Variants in B4GALNT3 observed in about 807,000 individuals in gnomAD.
The protein encoded by B4GALNT3 is beta-1,4-N-acetylgalactosaminyltransferase 3.
In B4GALNT3, 86 loss-of-function variants were observed where a neutral mutation model predicts 120.2. The ratio of observed to expected loss-of-function variants is 0.72; its 90% CI spans 0.60 to 0.86. The LOEUF (loss-of-function observed/expected upper bound fraction) is 0.86, where lower values mean the gene tolerates loss of function less well. B4GALNT3 is among the 40% of genes least tolerant of loss of function. The pLI, the probability that B4GALNT3 is intolerant of heterozygous loss-of-function variation, is 0.00. For synonymous variants in B4GALNT3, 518 were observed against 510.4 expected (o/e 1.01, Z -0.20); for missense variants, 1,167 against 1,298.9 (o/e 0.90, Z 1.56).
intron 1 of B4GALNT3, among the ~76,000 whole-genome samples, chr12:504,220 G>A (rs1366232020): frequency 6.7e-6 from 1 of 150,040 alleles, no homozygotes; most frequent in Non-Finnish European, 1.5e-5. Context: ...AGTCGAGGCT[G>A]CAGTGAGCTG....
chr12:496,337 T>C (rs923604763), intron 1 of B4GALNT3, among the ~76,000 whole-genome samples: 1 of 152,116 alleles, frequency 6.6e-6, no homozygotes, highest in African/African-American at 2.4e-5. Flanking sequence ...CGGTGGCACA[T>C]GCATGTAGTC....
intron 1 of B4GALNT3, among the ~76,000 whole-genome samples, chr12:496,443 T>C (rs546650136): frequency 1.8e-4 from 28 of 152,052 alleles, no homozygotes; most frequent in Non-Finnish European, 2.9e-5. Flanking sequence ...CTACTAAAAA[T>C]ACAAAAATTG....
At chr12:518,680 A>C (rs545806512) in intron 1 of B4GALNT3, among the ~76,000 whole-genome samples, 1 of 152,352 alleles carries the variant, frequency 6.6e-6, no homozygotes, top group East Asian at 1.9e-4. Context: ...AATTACAGGC[A>C]TGAGGCACTG....
At position 558,049 on chromosome 12, in the gene B4GALNT3, A is replaced by G. The variant is rs781355463; in HGVS notation, c.2568A>G (p.Glu856=). 1.2e-6 allele frequency: 2 copies of G among 1,613,918 alleles called. No homozygotes were observed. Among genetic ancestry groups the G allele is most frequent in the Admixed American group, 3.3e-5 (2 of 60,020 alleles). ...YQYVKLSGNF[E]RSAGLQAGID... Reference sequence around the variant, plus strand: ...ACGTGAAGCTAAGTGGAAACTTTGAACGCTCAGCTGGACTTCAGGCTGGCA... The same window carrying G: ...ACGTGAAGCTAAGTGGAAACTTTGAGCGCTCAGCTGGACTTCAGGCTGGCA... The change falls in exon 17 of 20, where the codon GAA becomes GAG. Residue 856 remains glutamate (E), a synonymous_variant. Coordinates refer to ENST00000266383, the MANE Select transcript of B4GALNT3 (RefSeq NM_173593.4).
At position 513,113 on chromosome 12, in the gene B4GALNT3, TCCTTCCACCTTCCG is replaced by T. The variant is rs1181321305; in HGVS notation, c.170-22039_170-22026del. On this transcript the variant is annotated intron_variant, in intron 1 of 19. Coordinates refer to ENST00000266383, the MANE Select transcript of B4GALNT3 (RefSeq NM_173593.4). ...ACCTTCCGCCTTCCACCTTCTGCCTTCCTTCCACCTTCCGCCTTCCACCTTCCACCTTCGACCTT... is the reference window on the plus strand; with the variant it reads ...ACCTTCCGCCTTCCACCTTCTGCCTTCCTTCCACCTTCCACCTTCGACCTT... Among the ~76,000 whole-genome samples, 7 of 135,436 alleles carry T rather than the reference TCCTTCCACCTTCCG, an allele frequency of 5.2e-5. No homozygotes were observed. In the South Asian group the frequency reaches 7.0e-4, roughly 13 times the overall value. The allele number at this position is 135,436 out of a possible 152,430, so 88.9% of individuals were successfully genotyped here.
At chr12:490,425 AC>A (rs1422983909) in intron 1 of B4GALNT3, among the ~76,000 whole-genome samples, 1 of 152,212 alleles carries the variant, frequency 6.6e-6, no homozygotes, top group Non-Finnish European at 1.5e-5. Context: ...GATCTCATGG[AC>A]ATTAAAAGTA....
At chr12:463,705 T>C (rs553727700) in intron 1 of B4GALNT3, among the ~76,000 whole-genome samples, 149 of 152,308 alleles carry the variant, frequency 9.8e-4, no homozygotes, top group Non-Finnish European at 1.6e-3. Context: ...ATGGTGACAT[T>C]TTGGGACGTT....
At chr12:527,584 T>A (rs541012346) in intron 1 of B4GALNT3, among the ~76,000 whole-genome samples, 1 of 152,342 alleles carries the variant, frequency 6.6e-6, no homozygotes, top group East Asian at 1.9e-4. Flanking sequence ...CATATCCATC[T>A]GCTCATCTAG....
chr12:558,815 A>G (rs1405326846), intron 18 of B4GALNT3, among the ~76,000 whole-genome samples, 154 bp downstream of exon 18: 1 of 151,694 alleles, frequency 6.6e-6, no homozygotes, highest in African/African-American at 2.4e-5. Flanking sequence ...AAAACTCACC[A>G]GACAAGGTCC....
intron 6 of B4GALNT3, among the ~76,000 whole-genome samples, chr12:546,215 G>C (rs868515955): frequency 1.0e-5 from 1 of 100,364 alleles, no homozygotes; most frequent in Non-Finnish European, 2.1e-5. Context: ...AGGAGGGAGG[G>C]GGGTGTGGGA....
chr12:554,129 G>A, intron 14 of B4GALNT3, 146 bp downstream of exon 14: 1 of 634,600 alleles, frequency 1.6e-6, no homozygotes, highest in Non-Finnish European at 2.7e-6. Context: ...TCCTGGGAAG[G>A]ACAAGTGCCC....
chr12:509,387 G>A (rs903631992), intron 1 of B4GALNT3, among the ~76,000 whole-genome samples: 1 of 152,182 alleles, frequency 6.6e-6, no homozygotes, highest in Non-Finnish European at 1.5e-5. Context: ...AGATTTCCAG[G>A]GCAGGAGAAA....
intron 1 of B4GALNT3, among the ~76,000 whole-genome samples, chr12:532,157 T>G (rs1946815057): frequency 6.6e-6 from 1 of 152,172 alleles, no homozygotes; most frequent in Non-Finnish European, 1.5e-5. Context: ...TACTCTATCA[T>G]GAGGACTGCA....
chr12:519,749 T>A (rs1946688350), intron 1 of B4GALNT3, among the ~76,000 whole-genome samples: 1 of 152,150 alleles, frequency 6.6e-6, no homozygotes, highest in Admixed American at 6.6e-5. Context: ...TTCAGCCGAA[T>A]CAGGGACACA....
chr12:536,255 G>A lies in B4GALNT3; in HGVS notation c.311G>A (p.Ser104Asn). 1 of 1,614,156 alleles carries A rather than the reference G, an allele frequency of 6.2e-7. No individual in the cohort carries two copies. The highest frequency in any genetic ancestry group is 1.1e-5 in the South Asian group (1 of 91,084). The change falls in exon 3 of 20, where the codon AGC becomes AAC. Residue 104 changes from serine (S) to asparagine (N), a missense_variant. Physicochemically the swap from Ser to Asn is conservative, Grantham distance 46. Transcript: ENST00000266383. ...GACCAAGGGGTGAGCAGTAACAGCA[G>A]CTACTTGAAGTGGAACAAGCCTGTC... ...DIDQGVSSNS[S>N]YLKWNKPVPW... is the part of the protein sequence containing the mutation.
chr12:539,195 A>G (rs1028292401), intron 3 of B4GALNT3, among the ~76,000 whole-genome samples: 2 of 152,232 alleles, frequency 1.3e-5, no homozygotes, highest in Non-Finnish European at 2.9e-5. Context: ...CTGACTGATC[A>G]GATTGGATGG....
chr12:511,296 T>A (rs1490395615), intron 1 of B4GALNT3, among the ~76,000 whole-genome samples: 1 of 59,668 alleles, frequency 1.7e-5, no homozygotes, highest in Non-Finnish European at 2.9e-5. Flanking sequence ...ACCTTCGACC[T>A]TCCACCTTCC....
At position 553,940 on chromosome 12, in the gene B4GALNT3, G is replaced by A. The variant is rs1947114142; in HGVS notation, c.2017G>A (p.Val673Ile). ...LLLPEQEALE[V>I]TRVFLKKLNQ... The stretch of plus-strand genomic sequence containing the variant: ...GCTTCCAGAGCAGGAAGCTCTGGAG[G>A]TCACGCGAGTCTTCTTGAAGAAGCT... Residue 673 changes from valine (V) to isoleucine (I), a missense_variant, in exon 14 of 20, where the codon GTC (valine) becomes ATC (isoleucine). Physicochemically the swap from Val to Ile is conservative, Grantham distance 29. Coordinates refer to ENST00000266383, the MANE Select transcript of B4GALNT3 (RefSeq NM_173593.4). The A allele has an allele frequency of 1.2e-6, 2 of 1,613,916 alleles. No individual in the cohort carries two copies. The highest frequency in any genetic ancestry group is 2.2e-5 in the South Asian group (2 of 91,084).
intron 1 of B4GALNT3, among the ~76,000 whole-genome samples, chr12:474,978 G>A (rs1341673032): frequency 6.9e-6 from 1 of 144,300 alleles, no homozygotes; most frequent in Non-Finnish European, 1.5e-5. Context: ...GCCAAGTGTG[G>A]TGGTGCATGC....
Sources: allele counts gnomAD v4.1 joint callset (sites outside exome capture counted in the v4.1 genomes callset), GRCh38; gene constraint gnomAD v4.1.1; transcripts MANE v1.5; gene names NCBI Gene and HGNC (gene_info 2026-07-23, HGNC 2026-07-21).